Variants in CNTNAP3 observed in about 807,000 individuals in gnomAD.
The protein encoded by CNTNAP3 is contactin-associated protein-like 3.
CNTNAP3 carries 36 observed loss-of-function variants against 92.1 expected under a neutral mutation model. The ratio of observed to expected loss-of-function variants is 0.39; its 90% CI spans 0.30 to 0.52. The LOEUF (loss-of-function observed/expected upper bound fraction) is 0.52, where lower values mean the gene tolerates loss of function less well. CNTNAP3 is among the 20% of genes least tolerant of loss of function. CNTNAP3 has a pLI of 0.76. For missense variants in CNTNAP3, 534 were observed against 1,069.6 expected (o/e 0.50, Z 6.98); for synonymous variants, 232 against 422.3 (o/e 0.55, Z 5.53).
intron 13 of CNTNAP3, among the ~76,000 whole-genome samples, chr9:39,127,207 A>C (rs2118017391): frequency 6.6e-6 from 1 of 152,248 alleles, no homozygotes; most frequent in African/African-American, 2.4e-5. Flanking sequence ...AAAATACTTA[A>C]ATGAAAATGA....
intron 14 of CNTNAP3, among the ~76,000 whole-genome samples, chr9:39,112,145 A>G (rs1826763201): frequency 6.6e-6 from 1 of 151,638 alleles, no homozygotes; most frequent in South Asian, 2.1e-4. Flanking sequence ...TCAGTAAGAG[A>G]ACTTTCAAAG....
intron 23 of CNTNAP3, among the ~76,000 whole-genome samples, chr9:39,078,075 C>A: frequency 6.6e-6 from 1 of 152,286 alleles, no homozygotes; most frequent in Non-Finnish European, 1.5e-5. Flanking sequence ...GGCATAGTGG[C>A]ACACTCTTAT....
intron 10 of CNTNAP3, among the ~76,000 whole-genome samples, chr9:39,147,968 C>T (rs1211066320): frequency 2.0e-5 from 3 of 152,146 alleles, no homozygotes; most frequent in Non-Finnish European, 4.4e-5. Context: ...ATCACACTTG[C>T]ATCACAGTTG....
At chr9:39,151,963 G>C (rs902458841) in intron 9 of CNTNAP3, among the ~76,000 whole-genome samples, 2 of 149,974 alleles carry the variant, frequency 1.3e-5, no homozygotes, top group African/African-American at 4.9e-5. Flanking sequence ...AAAGATTATA[G>C]TAAATATACA....
In CNTNAP3 at chr9:39,066,732, A is replaced by G. The variant is rs917281463; in HGVS notation, c.*7158T>C. On this transcript the variant is annotated 3_prime_UTR_variant, in exon 24 of 24. Coordinates refer to ENST00000297668, the MANE Select transcript of CNTNAP3 (RefSeq NM_033655.5). ...TTCCCCTTGCATTGCTTCCAAAAAG[A>G]AGTCTGGTATCATCCTTGTTTTTCT... Among the ~76,000 whole-genome samples, 3 of 152,308 alleles carry G rather than the reference A, an allele frequency of 2.0e-5. No individual in the cohort carries two copies. The highest frequency in any genetic ancestry group is 2.9e-5 in the Non-Finnish European group (2 of 68,058).
intron 13 of CNTNAP3, among the ~76,000 whole-genome samples, chr9:39,122,263 G>A (rs1040260268): frequency 6.6e-6 from 1 of 152,268 alleles, no homozygotes; most frequent in Non-Finnish European, 1.5e-5. Context: ...GCTGAGGCGG[G>A]AGAATGACGT....
At chr9:39,095,382 T>G (rs1826301895) in intron 18 of CNTNAP3, among the ~76,000 whole-genome samples, 1 of 151,636 alleles carries the variant, frequency 6.6e-6, no homozygotes, top group South Asian at 2.1e-4. Context: ...GTGGTAAAAC[T>G]GGGCATACTT....
At chr9:39,148,539 T>C (rs1821759640) in intron 10 of CNTNAP3, among the ~76,000 whole-genome samples, 1 of 151,546 alleles carries the variant, frequency 6.6e-6, no homozygotes, top group African/African-American at 2.4e-5. Flanking sequence ...TTTTTTTTTT[T>C]TTTTTTGAGA....
intron 21 of CNTNAP3, chr9:39,085,405 A>C (rs968665393): frequency 2.3e-5 from 7 of 311,066 alleles, no homozygotes; most frequent in Admixed American, 1.4e-4. Context: ...GATGTTGATT[A>C]ATACATACAT....
chr9:39,095,474 T>C (rs890600573), intron 18 of CNTNAP3, among the ~76,000 whole-genome samples: 3 of 150,170 alleles, frequency 2.0e-5, no homozygotes, highest in Admixed American at 2.0e-4. Context: ...CTTTATCATA[T>C]TGAGAAAGTT....
Position 39,075,150 on chromosome 9 carries a change from AT to A in CNTNAP3, c.3746-1140del, listed in dbSNP as rs549139777. ...AAAAATATTGCAGGCATATTTATTC[AT>A]TTTTTTTTTACCTGGAATGTGGATT... is the stretch of plus-strand genomic sequence containing the variant. On this transcript the variant is annotated intron_variant, in intron 23 of 23. Coordinates refer to ENST00000297668, the MANE Select transcript of CNTNAP3 (RefSeq NM_033655.5). Among the ~76,000 whole-genome samples, 586 of 131,994 alleles carry A rather than the reference AT, an allele frequency of 4.4e-3. 1 individual carries two copies. The highest frequency in any genetic ancestry group is 4.4e-3 in the Admixed American group (58 of 13,212). The allele number at this position is 131,994 out of a possible 152,430, so 86.6% of individuals were successfully genotyped here. A position where few individuals can be genotyped will look rare whatever the true frequency, so the allele number is the denominator to read the frequency against.
intron 9 of CNTNAP3, among the ~76,000 whole-genome samples, chr9:39,151,847 C>T (rs1455459696): frequency 6.7e-6 from 1 of 148,180 alleles, no homozygotes; most frequent in African/African-American, 2.5e-5. Flanking sequence ...CTCTTTCAAA[C>T]TTGTGAGATA....
Position 39,071,219 on chromosome 9 carries a change from G to C in CNTNAP3, c.*2671C>G, listed in dbSNP as rs1564064940. ...GTTAAATTTACTGTGACTTTTCACA[G>C]TAATAGAGACAGAGTAATAGAGACA... On this transcript the variant is annotated 3_prime_UTR_variant, in exon 24 of 24. Coordinates refer to ENST00000297668, the MANE Select transcript of CNTNAP3 (RefSeq NM_033655.5). 1.6e-5 allele frequency among the ~76,000 whole-genome samples: 2 copies of C among 127,750 alleles called. No homozygotes were observed. Among genetic ancestry groups the C allele is most frequent in the African/African-American group, 9.0e-5 (2 of 22,292 alleles). The allele number at this position is 127,750 out of a possible 152,430, so 83.8% of individuals were successfully genotyped here.
At chr9:39,141,844 G>A (rs1215648127) in intron 11 of CNTNAP3, among the ~76,000 whole-genome samples, 8 of 152,088 alleles carry the variant, frequency 5.3e-5, no homozygotes, top group Admixed American at 5.2e-4. Flanking sequence ...ATGTACACAT[G>A]TATTAATGTA....
intron 13 of CNTNAP3, among the ~76,000 whole-genome samples, chr9:39,120,400 T>A (rs576640888): frequency 6.6e-6 from 1 of 152,208 alleles, no homozygotes; most frequent in Admixed American, 6.5e-5. Context: ...TTAGGCCGGG[T>A]GCGGTGGCTC....
At chr9:39,078,972 C>A (rs1192070886) in intron 21 of CNTNAP3, 52 bp from the exon 22 acceptor site, 9 of 1,416,752 alleles carry the variant, frequency 6.4e-6, no homozygotes, top group South Asian at 1.3e-5. Context: ...GAGATGGGGG[C>A]GCAGGCACAC....
At chr9:39,086,691 T>C (rs777199474) in intron 20 of CNTNAP3, 25 bp downstream of exon 20, 39 of 1,605,084 alleles carry the variant, frequency 2.4e-5, no homozygotes, top group Admixed American at 1.2e-4. Context: ...ATTAGTTAGT[T>C]TGACTTTTGC....
At chr9:39,127,147 C>T (rs1436625178) in intron 13 of CNTNAP3, among the ~76,000 whole-genome samples, 1 of 151,884 alleles carries the variant, frequency 6.6e-6, no homozygotes, top group African/African-American at 2.4e-5. Context: ...TTTAAAAATA[C>T]ACTTCTAAAT....
chr9:39,134,330 TCACC>T (rs1821375729), intron 12 of CNTNAP3, among the ~76,000 whole-genome samples: 1 of 152,124 alleles, frequency 6.6e-6, no homozygotes, highest in African/African-American at 2.4e-5. Flanking sequence ...CTCACTGTAC[TCACC>T]AAAGGAGGCT....
Sources: allele counts gnomAD v4.1 joint callset (sites outside exome capture counted in the v4.1 genomes callset), GRCh38; gene constraint gnomAD v4.1.1; transcripts MANE v1.5; gene names NCBI Gene and HGNC (gene_info 2026-07-23, HGNC 2026-07-21).